The following COX7B2 variants were observed in gnomAD, a reference collection of about 807,000 sequenced individuals.
COX7B2 encodes the protein cytochrome c oxidase subunit 7B2, mitochondrial.
For synonymous variants in COX7B2, 37 were observed against 32.1 expected, an observed-to-expected ratio of 1.15 and a Z score of -0.51; for missense variants, 109 against 95.9, an observed-to-expected ratio of 1.14 and a Z score of -0.57.
intron 1 of COX7B2, among the ~76,000 whole-genome samples, chr4:46,902,437 C>A (rs1271638905): frequency 6.6e-6 from 1 of 152,166 alleles, no homozygotes; most frequent in Non-Finnish European, 1.5e-5. Context: ...TTCTACTAAA[C>A]CACTGGACTT....
At chr4:46,873,124 C>T (rs1718102731) in intron 1 of COX7B2, among the ~76,000 whole-genome samples, 1 of 152,146 alleles carries the variant, frequency 6.6e-6, no homozygotes, top group South Asian at 2.1e-4. Context: ...TTTCCAGCTT[C>T]ATCCATGTCC....
chr4:46,845,562 G>C (rs536640814), intron 1 of COX7B2, among the ~76,000 whole-genome samples: 1 of 151,902 alleles, frequency 6.6e-6, no homozygotes, highest in Non-Finnish European at 1.5e-5. Context: ...TAGAGAAAAT[G>C]ATACATTTAT....
intron 2 of COX7B2, among the ~76,000 whole-genome samples, chr4:46,826,106 G>A (rs1371948447): frequency 6.6e-6 from 1 of 152,030 alleles, no homozygotes; most frequent in Non-Finnish European, 1.5e-5. Flanking sequence ...CAGAATGAGA[G>A]AAAATATATT....
chr4:46,879,817 CTT>C (rs1718593898), intron 1 of COX7B2, among the ~76,000 whole-genome samples: 1 of 151,906 alleles, frequency 6.6e-6, no homozygotes, highest in African/African-American at 2.4e-5. Flanking sequence ...AATGACAACT[CTT>C]TATTGTACCC....
At chr4:46,886,448 G>A (rs920228451) in intron 1 of COX7B2, among the ~76,000 whole-genome samples, 2 of 152,030 alleles carry the variant, frequency 1.3e-5, no homozygotes, top group East Asian at 1.9e-4. Context: ...ATAAGTTATC[G>A]TTAACTATAA....
intron 2 of COX7B2, among the ~76,000 whole-genome samples, chr4:46,737,227 T>G (rs1714422669): frequency 6.6e-6 from 1 of 152,206 alleles, no homozygotes. Context: ...GTTTGCCATC[T>G]TCATCTCCCC....
chr4:46,816,654 T>G (rs1719569460), intron 2 of COX7B2, among the ~76,000 whole-genome samples: 1 of 152,234 alleles, frequency 6.6e-6, no homozygotes. Context: ...TCATTTTTTT[T>G]GCATTAGGAT....
intron 1 of COX7B2, among the ~76,000 whole-genome samples, chr4:46,848,336 C>CA (rs1002379073): frequency 1.4e-3 from 214 of 151,840 alleles, no homozygotes; most frequent in Middle Eastern, 3.4e-3. Flanking sequence ...ATTTATTTTT[C>CA]AAAAAAATCA....
At chr4:46,844,608 T>C (rs1246507749) in intron 2 of COX7B2, among the ~76,000 whole-genome samples, 4 of 152,064 alleles carry the variant, frequency 2.6e-5, no homozygotes, top group African/African-American at 9.7e-5. Context: ...ATGTAGTACT[T>C]GGCACAAGTG....
At chr4:46,764,317 G>A (rs1716394320) in intron 2 of COX7B2, among the ~76,000 whole-genome samples, 1 of 149,720 alleles carries the variant, frequency 6.7e-6, no homozygotes, top group Admixed American at 6.7e-5. Context: ...GGCTGAGGCG[G>A]GTGGATCACC....
intron 1 of COX7B2, among the ~76,000 whole-genome samples, chr4:46,864,287 C>T (rs1385113633): frequency 1.3e-5 from 2 of 152,210 alleles, no homozygotes; most frequent in East Asian, 1.9e-4. Flanking sequence ...TATGAGCCCC[C>T]CAGGTTTCAG....
chr4:46,778,699 T>C (rs977285766), intron 2 of COX7B2, among the ~76,000 whole-genome samples: 9 of 152,288 alleles, frequency 5.9e-5, no homozygotes, highest in African/African-American at 2.2e-4. Context: ...CATCAGCTGA[T>C]GATCCACTGA....
intron 2 of COX7B2, among the ~76,000 whole-genome samples, chr4:46,790,767 A>C (rs958069691): frequency 2.0e-5 from 3 of 152,072 alleles, no homozygotes; most frequent in Admixed American, 6.6e-5. Flanking sequence ...TACTGGATAA[A>C]CCCGATTCAC....
intron 2 of COX7B2, among the ~76,000 whole-genome samples, chr4:46,804,775 A>C (rs1441587408): frequency 6.6e-6 from 1 of 152,244 alleles, no homozygotes; most frequent in African/African-American, 2.4e-5. Flanking sequence ...CACCCAGTGT[A>C]TCCCCTACCG....
intron 2 of COX7B2, among the ~76,000 whole-genome samples, chr4:46,817,731 A>C (rs1258908419): frequency 1.3e-5 from 2 of 152,202 alleles, no homozygotes; most frequent in Non-Finnish European, 2.9e-5. Context: ...AATGAAATTT[A>C]AAGAAAGCCA....
intron 1 of COX7B2, among the ~76,000 whole-genome samples, chr4:46,863,210 T>C (rs528190072): frequency 6.6e-6 from 1 of 152,200 alleles, no homozygotes; most frequent in South Asian, 2.1e-4. Flanking sequence ...GAGGGAGAAA[T>C]GTAAATAAAG....
intron 2 of COX7B2, among the ~76,000 whole-genome samples, chr4:46,791,190 T>TA: frequency 6.6e-6 from 1 of 151,164 alleles, no homozygotes; most frequent in East Asian, 2.0e-4. Flanking sequence ...TTTTTTTTTT[T>TA]AGTAGAGAGG....
At chr4:46,832,956 A>G (rs1429173671) in intron 2 of COX7B2, among the ~76,000 whole-genome samples, 1 of 150,828 alleles carries the variant, frequency 6.6e-6, no homozygotes, top group Non-Finnish European at 1.5e-5. Flanking sequence ...CCCAGGCTGG[A>G]GTGCAAAGGC....
intron 2 of COX7B2, among the ~76,000 whole-genome samples, chr4:46,760,859 T>C (rs1716107914): frequency 6.6e-6 from 1 of 152,146 alleles, no homozygotes; most frequent in South Asian, 2.1e-4. Context: ...TAGTTAAGTG[T>C]TCAAAATTCA....
Sources: allele counts gnomAD v4.1 joint callset (sites outside exome capture counted in the v4.1 genomes callset), GRCh38; gene constraint gnomAD v4.1.1; transcripts MANE v1.5; gene names NCBI Gene and HGNC (gene_info 2026-07-23, HGNC 2026-07-21).